Variants in MAGI2 observed in about 807,000 individuals in gnomAD.
MAGI2 encodes membrane associated guanylate kinase, WW and PDZ domain containing 2, also known as membrane-associated guanylate kinase, WW and PDZ domain-containing protein 2.
In MAGI2, 35 loss-of-function variants were observed where a neutral mutation model predicts 133.3. That is an observed-to-expected ratio of 0.26 (90% CI 0.20 to 0.35). The LOEUF is 0.35. Among genes scored for constraint, MAGI2 ranks in the 10% least tolerant of loss-of-function variants. The probability of loss-of-function intolerance (pLI) is 1.00; values close to 1 mark genes in which losing one functional copy is unlikely to be tolerated. For missense variants in MAGI2, 1,636 were observed against 1,863.4 expected (o/e 0.88, Z 2.25); for synonymous variants, 729 against 710.6 (o/e 1.03, Z -0.41).
chr7:78,555,200 G>GATA (rs1799703277), intron 3 of MAGI2, among the ~76,000 whole-genome samples: 4 of 92,630 alleles, frequency 4.3e-5, no homozygotes, highest in Non-Finnish European at 4.8e-5. Flanking sequence ...TTGGATGGAT[G>GATA]GATAGATAGA....
chr7:78,954,554 G>A (rs187179763), intron 2 of MAGI2, among the ~76,000 whole-genome samples: 84 of 152,216 alleles, frequency 5.5e-4, no homozygotes, highest in African/African-American at 1.8e-3. Context: ...TTCCTGGTCT[G>A]GCAATAGTGT....
chr7:78,501,724 G>A lies in MAGI2; in HGVS notation c.818C>T (p.Pro273Leu), dbSNP rs761653405. The change falls in exon 5 of 22, where the codon CCT (proline) becomes CTT (leucine). Residue 273 changes from proline to leucine, a missense_variant. Around this residue, in one of 5 missense-constraint regions of MAGI2, gnomAD observed 165 missense variants for 128.4 expected, o/e 1.28. Coordinates refer to ENST00000354212, the MANE Select transcript of MAGI2 (RefSeq NM_012301.4). ...ASGEMPSQPY[P>L]APVYSQPEEL... ...CTCAGGCTGACTGTACACTGGTGCA[G>A]GATAAGGCTGGGAGGGCATCTCCCC... is the stretch of plus-strand genomic sequence containing the variant. 1.2e-6 allele frequency: 2 copies of A among 1,614,050 alleles called. No homozygotes were observed. Among genetic ancestry groups the A allele is most frequent in the Admixed American group, 1.7e-5 (1 of 60,016 alleles).
At chr7:78,713,605 A>T (rs1257417848) in intron 2 of MAGI2, among the ~76,000 whole-genome samples, 1 of 152,178 alleles carries the variant, frequency 6.6e-6, no homozygotes, top group Non-Finnish European at 1.5e-5. Context: ...CAAAATCCCC[A>T]TGAAACCTTG....
chr7:78,815,170 G>T (rs1789454661), intron 2 of MAGI2, among the ~76,000 whole-genome samples: 1 of 152,134 alleles, frequency 6.6e-6, no homozygotes, highest in African/African-American at 2.4e-5. Flanking sequence ...GATTTAGATG[G>T]TCAATATTTT....
chr7:78,783,492 T>A (rs1826559190), intron 2 of MAGI2, among the ~76,000 whole-genome samples: 1 of 152,210 alleles, frequency 6.6e-6, no homozygotes, highest in Non-Finnish European at 1.5e-5. Context: ...TAGATGTCTC[T>A]TGATAGCCTA....
rs145423939 is a variant in MAGI2, at chr7:78,834,839, G to A, written c.418+172251C>T. On this transcript the variant is annotated intron_variant, in intron 2 of 21. Transcript: ENST00000354212. ...CTTGCAATAATGAATGAGTACTCAC[G>A]AGATCTGATTGTGTAAAACTGTGTA... 9.9e-5 allele frequency among the ~76,000 whole-genome samples: 15 copies of A among 152,140 alleles called. No individual in the cohort carries two copies. In the East Asian group the frequency reaches 2.3e-3, roughly 24 times the overall value.
chr7:79,217,850 A>G (rs1202952928), intron 1 of MAGI2, among the ~76,000 whole-genome samples: 1 of 152,058 alleles, frequency 6.6e-6, no homozygotes, highest in Admixed American at 6.6e-5. Context: ...TAAGCAGTCA[A>G]TAAATGGTGG....
chr7:78,994,829 A>C (rs1033083898), intron 2 of MAGI2, among the ~76,000 whole-genome samples: 1 of 152,110 alleles, frequency 6.6e-6, no homozygotes, highest in Non-Finnish European at 1.5e-5. Flanking sequence ...ATGCTGGTTC[A>C]CTTTCTTCTT....
At position 79,018,951 on chromosome 7, in the gene MAGI2, A is replaced by G. The variant is rs148214184; in HGVS notation, c.302-11745T>C. On this transcript the variant is annotated intron_variant, in intron 1 of 21. Coordinates refer to ENST00000354212, the MANE Select transcript of MAGI2 (RefSeq NM_012301.4). ...CCACAAAAGAATAATGGAAGACTTT[A>G]ACACTCCACTGAGAGTATTAGACAG... 2.4e-3 allele frequency among the ~76,000 whole-genome samples: 360 copies of G among 152,318 alleles called. 4 individuals are homozygous for G. The highest frequency in any genetic ancestry group is 7.6e-3 in the African/African-American group (316 of 41,576).
rs966004463 is a variant in MAGI2, at chr7:78,150,852, C to A, written c.2845+9173G>T. ...TTTTAGAAAATGCATTGTGAACACA[C>A]AGATTTTTTTGATAGATTGTATTGC... On this transcript the variant is annotated intron_variant, in intron 16 of 21. Transcript: ENST00000354212. Among the ~76,000 whole-genome samples, 10 of 152,164 alleles carry A rather than the reference C, an allele frequency of 6.6e-5. No individual in the cohort carries two copies. In the South Asian group the frequency reaches 1.9e-3, roughly 28 times the overall value.
chr7:78,345,639 A>G (rs1790826149), intron 8 of MAGI2: 5 of 359,396 alleles, frequency 1.4e-5, no homozygotes, highest in East Asian at 5.8e-5. Context: ...ATGAGTCTCT[A>G]TGAATCTCTC....
chr7:78,405,715 A>G (rs1014704119), intron 6 of MAGI2, among the ~76,000 whole-genome samples: 1 of 152,116 alleles, frequency 6.6e-6, no homozygotes, highest in Non-Finnish European at 1.5e-5. Context: ...TTAAAATAAT[A>G]GACGATGCCT....
At position 78,237,676 on chromosome 7, in the gene MAGI2, A is replaced by G. The variant is rs1029516221; in HGVS notation, c.2047+18267T>C. ...ATTTTTTTTATGGATTTCTCAGTGC[A>G]TGGAATTTTGGTGATAAGAAGTTGA... On this transcript the variant is annotated intron_variant, in intron 10 of 21. Coordinates refer to ENST00000354212, the MANE Select transcript of MAGI2 (RefSeq NM_012301.4). Among the ~76,000 whole-genome samples the G allele has an allele frequency of 2.6e-5, 4 of 152,264 alleles. No homozygotes were observed. In the East Asian group the frequency reaches 7.7e-4, roughly 29 times the overall value.
At chr7:78,568,132 T>G (rs961561370) in intron 3 of MAGI2, 2 of 152,260 alleles carry the variant, frequency 1.3e-5, no homozygotes, top group African/African-American at 4.8e-5. Context: ...TTTTCTGGCT[T>G]CTTCTCTTCT....
chr7:78,812,073 C>G (rs1463124655), intron 2 of MAGI2, among the ~76,000 whole-genome samples: 2 of 152,076 alleles, frequency 1.3e-5, no homozygotes, highest in African/African-American at 4.8e-5. Context: ...CACCATAAGC[C>G]AGGGAACATG....
intron 20 of MAGI2, among the ~76,000 whole-genome samples, chr7:78,086,823 C>T (rs180901012): frequency 6.0e-5 from 9 of 150,460 alleles, no homozygotes; most frequent in African/African-American, 1.5e-4. Flanking sequence ...TTGGTAAAGA[C>T]GGGGTTTCGC....
At chr7:79,171,524 T>G (rs935548183) in intron 1 of MAGI2, among the ~76,000 whole-genome samples, 4 of 151,530 alleles carry the variant, frequency 2.6e-5, no homozygotes, top group Non-Finnish European at 5.9e-5. Flanking sequence ...ATTGCCCATT[T>G]TGGAAATTAT....
At chr7:78,705,246 C>A (rs1016834175) in intron 2 of MAGI2, among the ~76,000 whole-genome samples, 3 of 151,988 alleles carry the variant, frequency 2.0e-5, no homozygotes, top group African/African-American at 7.2e-5. Context: ...AGTGAGTTCT[C>A]ACAAGATCTG....
In MAGI2 at chr7:79,368,709, G is replaced by A. The variant is rs372792283; in HGVS notation, c.301+84311C>T. On this transcript the variant is annotated intron_variant, in intron 1 of 21. Coordinates refer to ENST00000354212, the MANE Select transcript of MAGI2 (RefSeq NM_012301.4). The stretch of plus-strand genomic sequence containing the variant: ...TAAAAATACAAAAAATTAGCCGGGC[G>A]TAGTGGCGGGCGCCTGTAGTCCCAG... Among the ~76,000 whole-genome samples, 30 of 150,556 alleles carry A rather than the reference G, an allele frequency of 2.0e-4. No individual in the cohort carries two copies. In the East Asian group the frequency reaches 4.9e-3, roughly 25 times the overall value.
Sources: gnomAD v4.1 joint callset for allele counts (sites outside exome capture counted in the v4.1 genomes callset) on GRCh38, gnomAD v4.1.1 for gene constraint, gnomAD v4.1.1 regional missense constraint, MANE v1.5 for transcripts, NCBI Gene and HGNC (gene_info 2026-07-23, HGNC 2026-07-21) for gene names.